The following FSD1L variants were observed in gnomAD, a reference collection of about 807,000 sequenced individuals.
FSD1L encodes fibronectin type III and SPRY domain containing 1 like, also known as FSD1-like protein.
Under a neutral mutation model 71.6 loss-of-function variants are expected in FSD1L, and 45 were observed. That is an observed-to-expected ratio of 0.63 (90% CI 0.49 to 0.81). FSD1L has a LOEUF of 0.81. Among genes scored for constraint, FSD1L ranks in the 30% least tolerant of loss-of-function variants. FSD1L has a pLI of 0.00. For synonymous variants in FSD1L, 197 were observed against 207.2 expected (o/e 0.95, Z 0.42); for missense variants, 561 against 618.1 (o/e 0.91, Z 0.98).
chr9:105,500,513 C>G (rs1325235696), intron 7 of FSD1L: 1 of 152,220 alleles, frequency 6.6e-6, no homozygotes, highest in Admixed American at 6.5e-5. Flanking sequence ...CACTTAGTCT[C>G]TGTTAAAACC....
At chr9:105,515,059 G>T (rs184029520) in intron 10 of FSD1L, among the ~76,000 whole-genome samples, 2 of 152,244 alleles carry the variant, frequency 1.3e-5, no homozygotes, top group East Asian at 3.9e-4. Context: ...TGCAGATACG[G>T]TATATGATCA....
At chr9:105,481,382 T>G (rs1457512941) in intron 6 of FSD1L, among the ~76,000 whole-genome samples, 1 of 151,118 alleles carries the variant, frequency 6.6e-6, no homozygotes, top group Non-Finnish European at 1.5e-5. Context: ...CCTCCCGGGT[T>G]CAAGCGATTC....
chr9:105,511,372 T>TG (rs1354767507), intron 9 of FSD1L, among the ~76,000 whole-genome samples: 6 of 152,118 alleles, frequency 3.9e-5, no homozygotes, highest in Admixed American at 3.3e-4. Context: ...TTCTCAAAAA[T>TG]GTAGAAGCTC....
chr9:105,535,036 G>T (rs1260267432), intron 11 of FSD1L, 31 bp from the exon 12 acceptor site: 3 of 1,550,350 alleles, frequency 1.9e-6, no homozygotes, highest in Admixed American at 2.0e-5. Context: ...AGGAAGAGAT[G>T]AGTCAAATCT....
chr9:105,496,870 G>C (rs539691719), intron 7 of FSD1L, among the ~76,000 whole-genome samples: 2 of 152,108 alleles, frequency 1.3e-5, no homozygotes, highest in African/African-American at 4.8e-5. Flanking sequence ...TTGTATTGTC[G>C]TACTGCATTA....
At chr9:105,525,933 C>CA (rs1564140827) in intron 10 of FSD1L, 2 of 1,564,890 alleles carry the variant, frequency 1.3e-6, no homozygotes, top group African/African-American at 1.4e-5. Flanking sequence ...ATTCTTTGAC[C>CA]AAAAAATTGA....
intron 10 of FSD1L, chr9:105,522,813 A>G: frequency 1.9e-6 from 3 of 1,613,536 alleles, no homozygotes; most frequent in Non-Finnish European, 2.5e-6. Context: ...TAATGCCTCG[A>G]CTATGACAAG....
At chr9:105,466,155 T>TA (rs1831054690) in intron 3 of FSD1L, among the ~76,000 whole-genome samples, 1 of 152,040 alleles carries the variant, frequency 6.6e-6, no homozygotes, top group Admixed American at 6.5e-5. Context: ...TGCTGTAGCA[T>TA]AAAAAAATAG....
chr9:105,511,806 TAG>T, intron 9 of FSD1L, among the ~76,000 whole-genome samples: 1 of 152,222 alleles, frequency 6.6e-6, no homozygotes, highest in East Asian at 1.9e-4. Context: ...AATAAACCTA[TAG>T]AGAGTCATAG....
chr9:105,492,592 A>C (rs1231012136), intron 7 of FSD1L, among the ~76,000 whole-genome samples: 1 of 152,016 alleles, frequency 6.6e-6, no homozygotes, highest in Non-Finnish European at 1.5e-5. Flanking sequence ...TTGTGATGTT[A>C]GGGTGTGAAT....
chr9:105,512,863 A>G lies in FSD1L; in HGVS notation c.952A>G (p.Thr318Ala). 1 of 1,542,022 alleles carries G rather than the reference A, an allele frequency of 6.5e-7. No individual in the cohort carries two copies. Among genetic ancestry groups the G allele is most frequent in the Non-Finnish European group, 8.8e-7 (1 of 1,141,714 alleles). The change falls in exon 10 of 14, where the codon ACA (threonine) becomes GCA (alanine). Residue 318 changes from threonine to alanine, a missense_variant. By Grantham distance (58) the Thr-to-Ala change is moderately conservative. Coordinates refer to ENST00000481272, the MANE Select transcript of FSD1L (RefSeq NM_001145313.3). ...SSHLNLKVEDTCVEWDPTGGK... is the reference protein window; with the variant it reads ...SSHLNLKVEDACVEWDPTGGK... Reference sequence around the variant, plus strand: ...CCATTTGAACCTGAAAGTTGAAGATACATGTGTAGAGTGGGATCCTACTGG... The same window carrying G: ...CCATTTGAACCTGAAAGTTGAAGATGCATGTGTAGAGTGGGATCCTACTGG...
At chr9:105,498,857 C>G (rs1368512176) in intron 7 of FSD1L, among the ~76,000 whole-genome samples, 1 of 152,156 alleles carries the variant, frequency 6.6e-6, no homozygotes, top group Non-Finnish European at 1.5e-5. Context: ...CTCCTCATCT[C>G]AAGTGATCCG....
rs144248307 is a variant in FSD1L, at chr9:105,495,307, G to A, written c.586+10805G>A. On this transcript the variant is annotated intron_variant, in intron 7 of 13. Transcript: ENST00000481272. The stretch of plus-strand genomic sequence containing the variant: ...GTGGGTGTAGGACCCTCGGAGCCAG[G>A]TGCGGGATATAATCTCCTGGTGCGC... 9.1e-3 allele frequency among the ~76,000 whole-genome samples: 1,386 copies of A among 152,318 alleles called. 22 individuals carry two copies. The highest frequency in any genetic ancestry group is 0.032 in the African/African-American group (1,323 of 41,576).
rs377463842 is a variant in FSD1L at position 105,448,089 on chromosome 9, G to T, written c.-132G>T. 2 of 1,042,770 alleles carry T rather than the reference G, an allele frequency of 1.9e-6. No homozygotes were observed. The allele number at this position is 1,042,770 out of a possible 1,614,324, so 64.6% of individuals were successfully genotyped here. ...GGCGCGCGCGGTCTGGGCGCGGACGGGTGGGGCCGGGCGGTGCCGGTGCGG... is the reference window on the plus strand; with the variant it reads ...GGCGCGCGCGGTCTGGGCGCGGACGTGTGGGGCCGGGCGGTGCCGGTGCGG... On this transcript the variant is annotated 5_prime_UTR_variant, in exon 1 of 14. Coordinates refer to ENST00000481272, the MANE Select transcript of FSD1L (RefSeq NM_001145313.3).
intron 5 of FSD1L, chr9:105,472,646 T>C (rs1234288286): frequency 6.6e-6 from 1 of 152,224 alleles, no homozygotes; most frequent in Non-Finnish European, 1.5e-5. Flanking sequence ...AGTTTGATGT[T>C]ATTTACTTCA....
intron 10 of FSD1L, among the ~76,000 whole-genome samples, chr9:105,514,256 T>C (rs779326480): frequency 6.6e-6 from 1 of 152,252 alleles, no homozygotes; most frequent in South Asian, 2.1e-4. Context: ...GATTTTATAG[T>C]GTATTATAAA....
In FSD1L at chr9:105,551,062, T is replaced by C. The variant is rs531976588; in HGVS notation, c.*4579T>C. On this transcript the variant is annotated 3_prime_UTR_variant, in exon 14 of 14. Transcript: ENST00000481272. ...GTGGTAAAACACATTTTTGTTAGTA[T>C]TGGAACTTTCTGGAGAACATAAGGG... 3.9e-5 allele frequency: 6 copies of C among 152,226 alleles called. No individual in the cohort carries two copies. The East Asian group carries it at 7.7e-4, about 20-fold the overall frequency. The allele number at this position is 152,226 out of a possible 1,614,324, so 9.4% of individuals were successfully genotyped here. A position where few individuals can be genotyped will look rare whatever the true frequency, so the allele number is the denominator to read the frequency against.
In FSD1L at chr9:105,461,597, G is replaced by A. The variant is rs1411999565; in HGVS notation, c.93G>A (p.Glu31=). Residue 31 remains glutamate (E), a synonymous_variant, in exon 2 of 14, where the codon GAG becomes GAA. Transcript: ENST00000481272. ...FLISNITIGP[E]SINLQQEALQ... The stretch of plus-strand genomic sequence containing the variant: ...TCTCTAACATCACTATTGGACCAGA[G>A]TCTATTAACTTGCAGCAGGTTGGTA... 6.4e-7 allele frequency: 1 copy of A among 1,550,488 alleles called. No homozygotes were observed. The highest frequency in any genetic ancestry group is 2.0e-5 in the Admixed American group (1 of 50,942).
intron 13 of FSD1L, 91 bp from the exon 14 acceptor site, chr9:105,546,267 G>T: frequency 8.8e-7 from 1 of 1,142,124 alleles, no homozygotes; most frequent in East Asian, 2.6e-5. Context: ...ATGTTCATAT[G>T]TGTGGCATTT....
Sources: gnomAD v4.1 joint callset for allele counts (sites outside exome capture counted in the v4.1 genomes callset) on GRCh38, gnomAD v4.1.1 for gene constraint, MANE v1.5 for transcripts, NCBI Gene and HGNC (gene_info 2026-07-23, HGNC 2026-07-21) for gene names.